The following ZNF609 variants were observed in gnomAD, a reference collection of about 807,000 sequenced individuals.
ZNF609 encodes zinc finger protein 609.
A neutral mutation model predicts 109.5 loss-of-function variants in ZNF609; 11 were observed. That is an observed-to-expected ratio of 0.10 (90% CI 0.06 to 0.17). The LOEUF is 0.17. Among genes scored for constraint, ZNF609 ranks in the 10% least tolerant of loss-of-function variants. ZNF609 has a pLI of 1.00. For missense variants in ZNF609, 1,559 were observed against 1,772.4 expected, an observed-to-expected ratio of 0.88 and a Z score of 2.16; for synonymous variants, 646 against 662.0, an observed-to-expected ratio of 0.98 and a Z score of 0.37.
chr15:64,642,157 G>C (rs1327743738), intron 3 of ZNF609, among the ~76,000 whole-genome samples: 1 of 152,096 alleles, frequency 6.6e-6, no homozygotes, highest in Non-Finnish European at 1.5e-5. Flanking sequence ...AACAAATTTG[G>C]AGCTAAAATA....
rs1595726889 is a variant in ZNF609, at chr15:64,580,727, T to G, written c.748-42100T>G. The stretch of plus-strand genomic sequence containing the variant: ...TAGCTAATTTTTGTAGAGATGGGGT[T>G]CCACCTTGTTGGCCAGGCTGGTCTC... On this transcript the variant is annotated intron_variant, in intron 2 of 9. Transcript: ENST00000326648. 3.9e-5 allele frequency among the ~76,000 whole-genome samples: 6 copies of G among 151,924 alleles called. 1 individual carries two copies. Among genetic ancestry groups the G allele is most frequent in the Admixed American group, 3.9e-4 (6 of 15,240 alleles).
intron 2 of ZNF609, among the ~76,000 whole-genome samples, chr15:64,596,839 A>G (rs1895405590): frequency 1.3e-5 from 2 of 151,996 alleles, no homozygotes; most frequent in East Asian, 3.9e-4. Flanking sequence ...CCTTTCACCA[A>G]CCCTGCCCCA....
At chr15:64,665,481 G>C (rs1487331642) in intron 3 of ZNF609, among the ~76,000 whole-genome samples, 1 of 152,182 alleles carries the variant, frequency 6.6e-6, no homozygotes, top group Admixed American at 6.5e-5. Flanking sequence ...ACCAGGTGCC[G>C]TGGCTCATGC....
chr15:64,529,866 G>A (rs2140370937), intron 2 of ZNF609, among the ~76,000 whole-genome samples: 1 of 152,348 alleles, frequency 6.6e-6, no homozygotes, highest in African/African-American at 2.4e-5. Flanking sequence ...GCGTAGCTGG[G>A]ATTACAGGCA....
In ZNF609 at chr15:64,604,327, T is replaced by C. The variant is rs549272034; in HGVS notation, c.748-18500T>C. 5.9e-5 allele frequency among the ~76,000 whole-genome samples: 9 copies of C among 152,234 alleles called. No individual in the cohort carries two copies. The South Asian group carries it at 1.9e-3, about 32-fold the overall frequency. ...CCTCTCTCTCCCCTTTTTCCCCCAA[T>C]AGAGTTGTTAGGTGGGTAGATTGGA... On this transcript the variant is annotated intron_variant, in intron 2 of 9. Coordinates refer to ENST00000326648, the MANE Select transcript of ZNF609 (RefSeq NM_015042.2).
At position 64,675,011 on chromosome 15, in the gene ZNF609, T is replaced by G. The variant is rs1386352989; in HGVS notation, c.2157T>G (p.Pro719=). The change falls in exon 5 of 10, where the codon CCT becomes CCG. Residue 719 remains proline, a synonymous_variant. Transcript: ENST00000326648. ...TVMGEPFTVN[P]ALTPAKDKKK... ...TGGGAGAACCTTTCACAGTCAACCC[T>G]GCCTTGACTCCAGCCAAGGACAAGA... The G allele has an allele frequency of 6.2e-7, 1 of 1,613,970 alleles. No individual in the cohort carries two copies. Among genetic ancestry groups the G allele is most frequent in the South Asian group, 1.1e-5 (1 of 91,080 alleles).
At chr15:64,592,877 C>T (rs1895325157) in intron 2 of ZNF609, 4 of 635,120 alleles carry the variant, frequency 6.3e-6, no homozygotes, top group African/African-American at 1.8e-5. Context: ...CGCGCCACTG[C>T]ACCCCAGCCT....
chr15:64,499,429 A>G lies in ZNF609; in HGVS notation c.10A>G (p.Ser4Gly). 1 of 1,613,554 alleles carries G rather than the reference A, an allele frequency of 6.2e-7. No individual in the cohort carries two copies. The highest frequency in any genetic ancestry group is 8.5e-7 in the Non-Finnish European group (1 of 1,179,650). MSL[S>G]SGASGGKGVD... Reference sequence around the variant, plus strand: ...GGACGTTGACTCTAAGATGTCCTTGAGCAGTGGAGCCTCCGGAGGGAAAGG... The same window carrying G: ...GGACGTTGACTCTAAGATGTCCTTGGGCAGTGGAGCCTCCGGAGGGAAAGG... Residue 4 changes from serine to glycine, a missense_variant, in exon 2 of 10, where the codon AGC becomes GGC. Physicochemically the swap from Ser to Gly is moderately conservative, Grantham distance 56 (BLOSUM62 0). Around this residue, in one of 4 missense-constraint regions of ZNF609, gnomAD observed 26 missense variants for 58.4 expected, o/e 0.44. Coordinates refer to ENST00000326648, the MANE Select transcript of ZNF609 (RefSeq NM_015042.2).
At chr15:64,460,312 G>A (rs541833166), upstream of ZNF609, among the ~76,000 whole-genome samples, 52 of 152,278 alleles carry the variant, frequency 3.4e-4, no homozygotes, top group Non-Finnish European at 6.2e-4. Flanking sequence ...CTGCCCACGA[G>A]GGGACAGCGT....
At chr15:64,663,487 C>A (rs1896607862) in intron 3 of ZNF609, among the ~76,000 whole-genome samples, 1 of 152,090 alleles carries the variant, frequency 6.6e-6, no homozygotes, top group Admixed American at 6.6e-5. Context: ...AGTTTGAGAT[C>A]TCCATTTAGA....
chr15:64,486,667 G>A (rs1263515678), intron 1 of ZNF609, among the ~76,000 whole-genome samples: 1 of 152,024 alleles, frequency 6.6e-6, no homozygotes, highest in African/African-American at 2.4e-5. Context: ...CCAGGCCAGA[G>A]TGCAGTGGCA....
intron 2 of ZNF609, among the ~76,000 whole-genome samples, chr15:64,563,502 C>T (rs1468543184): frequency 2.6e-5 from 4 of 151,244 alleles, no homozygotes; most frequent in East Asian, 3.9e-4. Context: ...ATTGGCGGGG[C>T]GCAGTAGCTC....
intron 1 of ZNF609, among the ~76,000 whole-genome samples, chr15:64,498,557 T>C (rs1250952665): frequency 6.6e-6 from 1 of 152,232 alleles, no homozygotes; most frequent in Non-Finnish European, 1.5e-5. Context: ...TGTGTCGTCC[T>C]ATTTTAGTGG....
At chr15:64,652,727 C>T (rs913273612) in intron 3 of ZNF609, among the ~76,000 whole-genome samples, 1 of 152,122 alleles carries the variant, frequency 6.6e-6, no homozygotes, top group Non-Finnish European at 1.5e-5. Flanking sequence ...GAGATAGAGT[C>T]TCACTGCGTT....
rs1341417639 is a variant in ZNF609 at position 64,460,716 on chromosome 15, C to CGGGGT, written c.-240_-236dup. 1 of 5,628 alleles carries CGGGGT rather than the reference C, an allele frequency of 1.8e-4. No individual in the cohort carries two copies. Among genetic ancestry groups the CGGGGT allele is most frequent in the African/African-American group, 1.0e-3 (1 of 972 alleles). The allele number at this position is 5,628 out of a possible 1,614,324, so 0.3% of individuals were successfully genotyped here. A position where few individuals can be genotyped will look rare whatever the true frequency, so the allele number is the denominator to read the frequency against. ...CCAGAGCCGGAGCCGGAGCCGGAGCCGGGGTGGGGTGGGGGGGAGGGGCCG... is the reference window on the plus strand; with the variant it reads ...CCAGAGCCGGAGCCGGAGCCGGAGCCGGGGTGGGGTGGGGTGGGGGGGAGGGGCCG... On this transcript the variant is annotated 5_prime_UTR_variant, in exon 1 of 10. Transcript: ENST00000326648.
At chr15:64,478,798 G>A (rs1481203096) in intron 1 of ZNF609, among the ~76,000 whole-genome samples, 1 of 152,114 alleles carries the variant, frequency 6.6e-6, no homozygotes, top group Non-Finnish European at 1.5e-5. Context: ...CTTTCTCTGG[G>A]AGGGTTTGCT....
rs1173954791 is a variant in ZNF609 at position 64,614,940 on chromosome 15, T to C, written c.748-7887T>C. ...TTCAAGGGATTCCCCTGCCTCAGCC[T>C]CCTGAGTAGCTGGGATTGCAGGCAC... is the stretch of plus-strand genomic sequence containing the variant. On this transcript the variant is annotated intron_variant, in intron 2 of 9. Transcript: ENST00000326648. 4.1e-5 allele frequency among the ~76,000 whole-genome samples: 6 copies of C among 146,706 alleles called. No homozygotes were observed. The Admixed American group carries it at 4.2e-4, about 10-fold the overall frequency.
intron 6 of ZNF609, among the ~76,000 whole-genome samples, chr15:64,679,667 G>A (rs1482198458): frequency 1.3e-5 from 2 of 152,326 alleles, no homozygotes; most frequent in African/African-American, 4.8e-5. Context: ...AGTTGCATTT[G>A]TTGAGTGCTC....
At chr15:64,481,351 A>G (rs1259855439) in intron 1 of ZNF609, among the ~76,000 whole-genome samples, 2 of 127,762 alleles carry the variant, frequency 1.6e-5, no homozygotes, top group Admixed American at 9.1e-5. Flanking sequence ...ACGGAGTTTC[A>G]CTCTTGTTGC....
Sources: allele counts gnomAD v4.1 joint callset (sites outside exome capture counted in the v4.1 genomes callset), GRCh38; gene constraint gnomAD v4.1.1; regional missense constraint gnomAD v4.1.1; transcripts MANE v1.5; gene names NCBI Gene and HGNC (gene_info 2026-07-23, HGNC 2026-07-21).